Variants in SERPINB7 observed in about 807,000 individuals in gnomAD.
SERPINB7 encodes the protein serpin B7.
SERPINB7 carries 31 observed loss-of-function variants against 37.4 expected under a neutral mutation model. The ratio of observed to expected loss-of-function variants is 0.83; its 90% CI spans 0.62 to 1.12. The LOEUF (loss-of-function observed/expected upper bound fraction) is 1.12, where lower values mean the gene tolerates loss of function less well. Among genes scored for constraint, SERPINB7 ranks in the 50% most tolerant of loss-of-function variants. The probability of loss-of-function intolerance (pLI) is 0.00; values close to 1 mark genes in which losing one functional copy is unlikely to be tolerated. For synonymous variants in SERPINB7, 163 were observed against 166.1 expected, an observed-to-expected ratio of 0.98 and a Z score of 0.14; for missense variants, 521 against 455.3, an observed-to-expected ratio of 1.14 and a Z score of -1.31.
intron 1 of SERPINB7, among the ~76,000 whole-genome samples, chr18:63,763,355 T>A (rs1294166913): frequency 6.6e-6 from 1 of 152,226 alleles, no homozygotes; most frequent in Non-Finnish European, 1.5e-5. Context: ...AATAAACTGT[T>A]CTTAGAATTT....
chr18:63,797,730 T>C (rs2049503246), intron 5 of SERPINB7, among the ~76,000 whole-genome samples: 1 of 152,178 alleles, frequency 6.6e-6, no homozygotes, highest in Non-Finnish European at 1.5e-5. Context: ...ACCATGACCT[T>C]TCTTGTCTTT....
chr18:63,761,134 C>A (rs1349209916), intron 1 of SERPINB7, among the ~76,000 whole-genome samples: 2 of 152,234 alleles, frequency 1.3e-5, no homozygotes, highest in African/African-American at 2.4e-5. Flanking sequence ...TGCAAAGCCA[C>A]AGGGGCAGAG....
chr18:63,791,014 C>G lies in SERPINB7; in HGVS notation c.169-1379C>G, dbSNP rs530694860. On this transcript the variant is annotated intron_variant, in intron 2 of 7. Coordinates refer to ENST00000398019, the MANE Select transcript of SERPINB7 (RefSeq NM_003784.4). ...GGACATGGATGAAGCTGGAAACCAT[C>G]ATTCTCAGCAAACTAACACAGGAAC... 6.6e-5 allele frequency among the ~76,000 whole-genome samples: 10 copies of G among 152,282 alleles called. No homozygotes were observed. The East Asian group carries it at 1.9e-3, about 29-fold the overall frequency.
upstream of SERPINB7, among the ~76,000 whole-genome samples, chr18:63,773,500 C>G (rs990168040): frequency 6.6e-6 from 1 of 152,082 alleles, no homozygotes; most frequent in African/African-American, 2.4e-5. Flanking sequence ...TATCTTCAGC[C>G]TAACTACAGA....
At chr18:63,764,054 G>A (rs905754768) in intron 1 of SERPINB7, among the ~76,000 whole-genome samples, 1 of 152,172 alleles carries the variant, frequency 6.6e-6, no homozygotes. Context: ...CATTTCTATG[G>A]TATGAGCTAA....
intron 2 of SERPINB7, among the ~76,000 whole-genome samples, chr18:63,784,750 A>G (rs180785049): frequency 9.6e-4 from 147 of 152,352 alleles, no homozygotes; most frequent in Middle Eastern, 3.4e-3. Context: ...TAAAACAAAT[A>G]AAGAAAAAAA....
chr18:63,755,639 C>T (rs1356022995), intron 1 of SERPINB7, among the ~76,000 whole-genome samples: 2 of 152,086 alleles, frequency 1.3e-5, no homozygotes, highest in Admixed American at 6.6e-5. Context: ...AGTCCTGTAA[C>T]CACAGCACTT....
intron 2 of SERPINB7, among the ~76,000 whole-genome samples, chr18:63,788,994 G>A (rs2049399842): frequency 6.6e-6 from 1 of 152,190 alleles, no homozygotes; most frequent in Non-Finnish European, 1.5e-5. Context: ...GTAGTTAAGT[G>A]ATGCATGATT....
chr18:63,792,505 G>T, intron 3 of SERPINB7, 62 bp downstream of exon 3: 2 of 1,117,066 alleles, frequency 1.8e-6, no homozygotes, highest in South Asian at 2.6e-5. Flanking sequence ...GCTCAAGCCT[G>T]TAATACCAGA....
chr18:63,764,689 CAGAAAT>C (rs2049171517), intron 1 of SERPINB7, among the ~76,000 whole-genome samples: 1 of 152,098 alleles, frequency 6.6e-6, no homozygotes, highest in East Asian at 1.9e-4. Context: ...GAGTGTAACT[CAGAAAT>C]AGACTGTTAG....
chr18:63,782,401 A>C lies in SERPINB7; in HGVS notation c.29A>C (p.Glu10Ala), dbSNP rs1158550651. 1 of 1,612,632 alleles carries C rather than the reference A, an allele frequency of 6.2e-7. No individual in the cohort carries two copies. Among genetic ancestry groups the C allele is most frequent in the Non-Finnish European group, 8.5e-7 (1 of 1,179,212 alleles). ...GCCTCCCTTGCTGCAGCAAATGCAG[A>C]GTTTTGCTTCAACCTGTTCAGAGAG... MASLAAANA[E>A]FCFNLFREMD... The change falls in exon 2 of 8, where the codon GAG becomes GCG. Residue 10 changes from glutamate (E) to alanine (A), a missense_variant. By Grantham distance (107) the Glu-to-Ala change is moderately radical. Coordinates refer to ENST00000398019, the MANE Select transcript of SERPINB7 (RefSeq NM_003784.4).
intron 2 of SERPINB7, among the ~76,000 whole-genome samples, 179 bp from the exon 3 acceptor site, chr18:63,792,214 G>A (rs115542885): frequency 6.6e-6 from 1 of 152,220 alleles, no homozygotes; most frequent in African/African-American, 2.4e-5. Context: ...TTAAAACCAA[G>A]TATGCCTGTT....
chr18:63,798,790 C>A (rs1720857), intron 6 of SERPINB7, 44 bp downstream of exon 6: 1 of 1,589,008 alleles, frequency 6.3e-7, no homozygotes, highest in Non-Finnish European at 8.6e-7. Context: ...TTTCCACAAT[C>A]GTATTCCTTT....
intron 1 of SERPINB7, among the ~76,000 whole-genome samples, chr18:63,768,236 G>A (rs750120623): frequency 6.6e-6 from 1 of 151,684 alleles, no homozygotes; most frequent in Non-Finnish European, 1.5e-5. Flanking sequence ...TTAAGTGAAA[G>A]TATAGATTAT....
chr18:63,804,277 C>A lies in SERPINB7; in HGVS notation c.785C>A (p.Thr262Asn), dbSNP rs1344329477. The part of the protein sequence containing the change: ...KLTFQNLMEW[T>N]NPRRMTSKYV... ...ACCTTTCAGAATCTAATGGAATGGA[C>A]CAATCCAAGGCGAATGACCTCTAAG... The change falls in exon 8 of 8, where the codon ACC becomes AAC. Residue 262 changes from threonine to asparagine, a missense_variant. By Grantham distance (65) the Thr-to-Asn change is moderately conservative. Coordinates refer to ENST00000398019, the MANE Select transcript of SERPINB7 (RefSeq NM_003784.4). The A allele has an allele frequency of 6.3e-7, 1 of 1,595,768 alleles. No individual in the cohort carries two copies. Among genetic ancestry groups the A allele is most frequent in the Non-Finnish European group, 8.5e-7 (1 of 1,173,702 alleles).
intron 2 of SERPINB7, among the ~76,000 whole-genome samples, chr18:63,788,514 TAAAG>T (rs2049395701): frequency 6.6e-6 from 1 of 152,218 alleles, no homozygotes; most frequent in Middle Eastern, 3.2e-3. Flanking sequence ...GTAAAAAAGT[TAAAG>T]TAAGCCAAAG....
chr18:63,798,582 C>A, intron 5 of SERPINB7, 22 bp from the exon 6 acceptor site: 1 of 1,506,852 alleles, frequency 6.6e-7, no homozygotes, highest in Non-Finnish European at 8.8e-7. Flanking sequence ...AAACATTTTT[C>A]CCTCAATTTT....
chr18:63,793,098 A>G lies in SERPINB7; in HGVS notation c.220-63A>G. 5 of 833,320 alleles carry G rather than the reference A, an allele frequency of 6.0e-6. No individual in the cohort carries two copies. The South Asian group carries it at 9.6e-5, about 16-fold the overall frequency. 51.6% of individuals were successfully genotyped at this position (833,320 alleles called of 1,614,324 possible). On this transcript the variant is annotated intron_variant, in intron 3 of 7. Coordinates refer to ENST00000398019, the MANE Select transcript of SERPINB7 (RefSeq NM_003784.4). ...AATTTGCATGTTTTGTTTTATGTGTAAGTGAGATTATGCATATCTTTGCAG... is the reference window on the plus strand; with the variant it reads ...AATTTGCATGTTTTGTTTTATGTGTGAGTGAGATTATGCATATCTTTGCAG...
At chr18:63,786,731 A>G (rs1468848639) in intron 2 of SERPINB7, among the ~76,000 whole-genome samples, 3 of 152,172 alleles carry the variant, frequency 2.0e-5, no homozygotes, top group Non-Finnish European at 4.4e-5. Context: ...TCAGAAAGAA[A>G]AATTCTGATT....
Sources: gnomAD v4.1 joint callset for allele counts (sites outside exome capture counted in the v4.1 genomes callset) on GRCh38, gnomAD v4.1.1 for gene constraint, MANE v1.5 for transcripts, NCBI Gene and HGNC (gene_info 2026-07-23, HGNC 2026-07-21) for gene names.